SP4: variants seen among roughly 807,000 people sequenced by gnomAD.
SP4 encodes transcription factor Sp4.
A neutral mutation model predicts 72.8 loss-of-function variants in SP4; 19 were observed. That is an observed-to-expected ratio of 0.26 (90% CI 0.18 to 0.38). The LOEUF (loss-of-function observed/expected upper bound fraction) is 0.38, where lower values mean the gene tolerates loss of function less well. Ranked by LOEUF, SP4 falls within the 10% of genes least tolerant of loss-of-function variation. SP4 has a pLI of 1.00. For missense variants in SP4, 1,008 were observed against 926.3 expected (o/e 1.09, Z -1.14); for synonymous variants, 395 against 333.1 (o/e 1.19, Z -2.02).
intron 3 of SP4, among the ~76,000 whole-genome samples, chr7:21,447,480 A>T (rs572672593): frequency 1.3e-5 from 2 of 152,306 alleles, no homozygotes; most frequent in East Asian, 1.9e-4. Flanking sequence ...TTCAGTTTCA[A>T]AGGAGACAAC....
At chr7:21,449,960 C>G (rs974610167) in intron 3 of SP4, among the ~76,000 whole-genome samples, 1 of 152,064 alleles carries the variant, frequency 6.6e-6, no homozygotes, top group Non-Finnish European at 1.5e-5. Flanking sequence ...CCAATTGATA[C>G]AGTTTCTCCA....
intron 5 of SP4, among the ~76,000 whole-genome samples, chr7:21,499,445 A>C (rs866741983): frequency 6.6e-6 from 1 of 152,242 alleles, no homozygotes; most frequent in Admixed American, 6.5e-5. Flanking sequence ...AGGAGAAGAC[A>C]CAGGGGAAAA....
intron 3 of SP4, among the ~76,000 whole-genome samples, chr7:21,448,762 T>C (rs941183031): frequency 1.3e-5 from 2 of 152,232 alleles, no homozygotes; most frequent in South Asian, 4.1e-4. Context: ...TAAATTATTA[T>C]GTGTGTATGT....
chr7:21,491,094 A>G (rs534138928), intron 5 of SP4, among the ~76,000 whole-genome samples: 48 of 152,308 alleles, frequency 3.2e-4, no homozygotes, highest in African/African-American at 1.1e-3. Context: ...GATGATCTAG[A>G]TTTCGGAATT....
At chr7:21,492,402 G>C (rs1176138914) in intron 5 of SP4, among the ~76,000 whole-genome samples, 7 of 152,138 alleles carry the variant, frequency 4.6e-5, no homozygotes, top group African/African-American at 1.7e-4. Context: ...TCCAAAATCT[G>C]AAACTTTTTC....
intron 5 of SP4, among the ~76,000 whole-genome samples, chr7:21,502,439 G>A (rs1349312844): frequency 3.3e-5 from 5 of 151,978 alleles, no homozygotes; most frequent in Admixed American, 1.3e-4. Flanking sequence ...TCCACAATGC[G>A]GGAAAGAGCA....
intron 4 of SP4, among the ~76,000 whole-genome samples, chr7:21,479,491 T>C (rs1406382560): frequency 6.6e-6 from 1 of 152,224 alleles, no homozygotes; most frequent in Non-Finnish European, 1.5e-5. Context: ...TTGATCTATA[T>C]GACTATCTTT....
chr7:21,470,993 T>C (rs576852142), intron 3 of SP4: 1 of 517,774 alleles, frequency 1.9e-6, no homozygotes, highest in South Asian at 1.4e-5. Context: ...GTAAGATGAA[T>C]AGACTTTTGT....
At chr7:21,457,101 C>T (rs1438805762) in intron 3 of SP4, among the ~76,000 whole-genome samples, 3 of 152,178 alleles carry the variant, frequency 2.0e-5, no homozygotes, top group Non-Finnish European at 2.9e-5. Flanking sequence ...GTATCTGCTC[C>T]CCAGGGAGCC....
chr7:21,463,228 T>G (rs1429466716), intron 3 of SP4, among the ~76,000 whole-genome samples: 1 of 151,982 alleles, frequency 6.6e-6, no homozygotes, highest in Admixed American at 6.6e-5. Flanking sequence ...CTCAGTAAAT[T>G]AGGAGGCAAA....
intron 3 of SP4, among the ~76,000 whole-genome samples, chr7:21,464,321 C>T (rs1349860089): frequency 2.6e-5 from 4 of 151,920 alleles, no homozygotes; most frequent in Non-Finnish European, 5.9e-5. Context: ...TGGTCTCGAT[C>T]TCCTGACCTC....
intron 5 of SP4, among the ~76,000 whole-genome samples, chr7:21,499,046 C>T (rs1019713289): frequency 2.1e-5 from 3 of 146,230 alleles, no homozygotes; most frequent in Non-Finnish European, 4.5e-5. Flanking sequence ...CGCCACTGCA[C>T]TCCAGCCTGG....
chr7:21,484,395 C>T (rs1188785637), intron 5 of SP4, among the ~76,000 whole-genome samples: 1 of 151,748 alleles, frequency 6.6e-6, no homozygotes, highest in African/African-American at 2.4e-5. Context: ...CTTGTGGGAT[C>T]GTGTCAACAC....
At chr7:21,499,467 G>A (rs1462539965) in intron 5 of SP4, among the ~76,000 whole-genome samples, 1 of 152,156 alleles carries the variant, frequency 6.6e-6, no homozygotes, top group Non-Finnish European at 1.5e-5. Flanking sequence ...TCCAGGCAAA[G>A]ACAAAGGCAG....
intron 4 of SP4, among the ~76,000 whole-genome samples, chr7:21,478,823 A>G (rs1014856031): frequency 1.3e-5 from 2 of 152,202 alleles, no homozygotes; most frequent in African/African-American, 2.4e-5. Flanking sequence ...TAATCCCAGC[A>G]CTTCGGGAGG....
At chr7:21,493,940 G>A (rs1426516193) in intron 5 of SP4, among the ~76,000 whole-genome samples, 1 of 152,026 alleles carries the variant, frequency 6.6e-6, no homozygotes, top group African/African-American at 2.4e-5. Flanking sequence ...ATATAAAAAG[G>A]ATAATGCATT....
intron 3 of SP4, among the ~76,000 whole-genome samples, chr7:21,434,550 C>G (rs1270596325): frequency 6.6e-6 from 1 of 152,074 alleles, no homozygotes; most frequent in Non-Finnish European, 1.5e-5. Context: ...TGTGTATGCT[C>G]TGCATACTTT....
intron 5 of SP4, among the ~76,000 whole-genome samples, chr7:21,491,438 G>C (rs549974672): frequency 6.6e-6 from 1 of 152,154 alleles, no homozygotes; most frequent in African/African-American, 2.4e-5. Flanking sequence ...ATAATAAAAG[G>C]TCTTAAATTT....
intron 3 of SP4, among the ~76,000 whole-genome samples, chr7:21,434,297 G>T (rs1005741250): frequency 6.6e-6 from 1 of 152,132 alleles, no homozygotes; most frequent in African/African-American, 2.4e-5. Context: ...GGAGATTAAG[G>T]GAAGTCTAGA....
Sources: gnomAD v4.1 joint callset for allele counts (sites outside exome capture counted in the v4.1 genomes callset) on GRCh38, gnomAD v4.1.1 for gene constraint, MANE v1.5 for transcripts, NCBI Gene and HGNC (gene_info 2026-07-23, HGNC 2026-07-21) for gene names.